Variants in AKR1B15 observed in about 807,000 individuals in gnomAD.
The protein encoded by AKR1B15 is aldo-keto reductase family 1 member B15.
A neutral mutation model predicts 38.5 loss-of-function variants in AKR1B15; 49 were observed. That is an observed-to-expected ratio of 1.27 (90% CI 1.01 to 1.62). The LOEUF (loss-of-function observed/expected upper bound fraction) is 1.62. Among genes scored for constraint, AKR1B15 ranks in the 40% most tolerant of loss-of-function variants. The pLI is 0.00. For missense variants in AKR1B15, 411 were observed against 381.6 expected, an observed-to-expected ratio of 1.08 and a Z score of -0.64; for synonymous variants, 137 against 135.5, an observed-to-expected ratio of 1.01 and a Z score of -0.08.
intron 10 of AKR1B15, among the ~76,000 whole-genome samples, 166 bp from the exon 11 acceptor site, chr7:134,577,538 G>A (rs1794791745): frequency 6.6e-6 from 1 of 152,156 alleles, no homozygotes; most frequent in Admixed American, 6.5e-5. Flanking sequence ...CTTTGTGTAG[G>A]ACCTAATTTA....
chr7:134,559,395 A>G (rs1263797448), intron 2 of AKR1B15, among the ~76,000 whole-genome samples: 1 of 152,150 alleles, frequency 6.6e-6, no homozygotes, highest in African/African-American at 2.4e-5. Flanking sequence ...ATAAATTATG[A>G]CGACCAAAAC....
intron 3 of AKR1B15, chr7:134,565,143 G>A: frequency 3.0e-6 from 1 of 338,938 alleles, no homozygotes; most frequent in Non-Finnish European, 5.5e-6. Context: ...TCCACACCGT[G>A]GAAACTTTGT....
At chr7:134,556,604 C>A (rs1488643791) in intron 1 of AKR1B15, 132 bp from the exon 2 acceptor site, 1 of 152,214 alleles carries the variant, frequency 6.6e-6, no homozygotes, top group Admixed American at 6.5e-5. Context: ...GCATTTCAGG[C>A]CTCACTCGCT....
chr7:134,569,343 C>T lies in AKR1B15; in HGVS notation c.319-70C>T, dbSNP rs550828388. Reference sequence around the variant, plus strand: ...TTAGATGAGGATGCAAATCAAAAAGCAGGGACAATGAGTATAATGTGGCCC... The same window carrying T: ...TTAGATGAGGATGCAAATCAAAAAGTAGGGACAATGAGTATAATGTGGCCC... On this transcript the variant is annotated intron_variant, in intron 4 of 11. Coordinates refer to ENST00000457545, the MANE Select transcript of AKR1B15 (RefSeq NM_001080538.3). The T allele has an allele frequency of 2.4e-4, 368 of 1,561,496 alleles. 3 individuals carry two copies. The South Asian group carries it at 4.0e-3, about 17-fold the overall frequency.
intron 2 of AKR1B15, among the ~76,000 whole-genome samples, chr7:134,557,204 T>C (rs1201309670): frequency 6.6e-6 from 1 of 152,172 alleles, no homozygotes; most frequent in Non-Finnish European, 1.5e-5. Flanking sequence ...GACCCCCTTC[T>C]CCTCCTCTTG....
At position 134,569,436 on chromosome 7, in the gene AKR1B15, A is replaced by G; in HGVS notation, c.342A>G (p.Arg114=). ...AGGTGTGGCCCACTTTCTTTGAGAG[A>G]CCCCTTGTGAGGAAAGCCTTTGAGA... is the stretch of plus-strand genomic sequence containing the variant. ...VSKVWPTFFE[R]PLVRKAFEKT... is the part of the protein sequence containing the mutation. The change falls in exon 5 of 12, where the codon AGA becomes AGG. Residue 114 remains arginine (R), a synonymous_variant. Coordinates refer to ENST00000457545, the MANE Select transcript of AKR1B15 (RefSeq NM_001080538.3). The G allele has an allele frequency of 3.7e-6, 6 of 1,613,976 alleles. No individual in the cohort carries two copies. The highest frequency in any genetic ancestry group is 5.1e-6 in the Non-Finnish European group (6 of 1,179,952).
intron 2 of AKR1B15, among the ~76,000 whole-genome samples, chr7:134,562,850 C>CTTTCTT (rs1794441870): frequency 9.4e-6 from 1 of 106,214 alleles, no homozygotes; most frequent in Admixed American, 8.5e-5. Flanking sequence ...TTCTTTCTTT[C>CTTTCTT]TTTCTTTCTT....
chr7:134,555,904 G>A (rs923226898), intron 1 of AKR1B15, among the ~76,000 whole-genome samples: 4 of 152,114 alleles, frequency 2.6e-5, no homozygotes, highest in African/African-American at 9.7e-5. Flanking sequence ...CTGCATGTGT[G>A]TAACCTTGGC....
intron 11 of AKR1B15, 30 bp downstream of exon 11, chr7:134,577,816 T>G: frequency 6.2e-7 from 1 of 1,610,112 alleles, no homozygotes; most frequent in Non-Finnish European, 8.5e-7. Context: ...CTAGAAGAAT[T>G]GCCAGGAGTT....
chr7:134,575,986 T>C, intron 8 of AKR1B15, 59 bp downstream of exon 8: 1 of 1,576,014 alleles, frequency 6.3e-7, no homozygotes, highest in Non-Finnish European at 8.6e-7. Flanking sequence ...TATTTTATAA[T>C]TGGTAAATGT....
intron 2 of AKR1B15, 122 bp from the exon 3 acceptor site, chr7:134,564,476 A>G: frequency 2.0e-6 from 1 of 488,728 alleles, no homozygotes; most frequent in Non-Finnish European, 3.6e-6. Flanking sequence ...TAATTCTTAC[A>G]CCAACCTCTG....
chr7:134,549,506 C>A (rs1373646668), intron 1 of AKR1B15, among the ~76,000 whole-genome samples: 1 of 152,090 alleles, frequency 6.6e-6, no homozygotes, highest in East Asian at 1.9e-4. Context: ...ATGTGGAGTT[C>A]AAGGGCTTGC....
intron 3 of AKR1B15, chr7:134,565,482 T>C (rs371175083): frequency 1.4e-5 from 23 of 1,613,452 alleles, no homozygotes; most frequent in East Asian, 2.2e-5. Context: ...GCACCAACCA[T>C]GGCCACGTTT....
chr7:134,562,832 C>CTCTTTCTTTCTCTT lies in AKR1B15; in HGVS notation c.-22-1755_-22-1754insCTTTCTTTCTTTCT, dbSNP rs1794436824. On this transcript the variant is annotated intron_variant, in intron 2 of 11. Transcript: ENST00000457545. ...CCTTCCTTTCTTCCTTCCTTCCTTTCTCTTTCTTTCTTTCTTTCTTTCTTT... is the reference window on the plus strand; with the variant it reads ...CCTTCCTTTCTTCCTTCCTTCCTTTCTCTTTCTTTCTCTTTCTTTCTTTCTTTCTTTCTTTCTTT... 4.1e-5 allele frequency among the ~76,000 whole-genome samples: 5 copies of CTCTTTCTTTCTCTT among 122,694 alleles called. No homozygotes were observed. The South Asian group carries it at 1.2e-3, about 31-fold the overall frequency. 80.5% of individuals were successfully genotyped at this position (122,694 alleles called of 152,430 possible). A position where few individuals can be genotyped will look rare whatever the true frequency, so the allele number is the denominator to read the frequency against.
chr7:134,555,984 T>C (rs1459540901), intron 1 of AKR1B15, among the ~76,000 whole-genome samples: 2 of 152,204 alleles, frequency 1.3e-5, no homozygotes, highest in Non-Finnish European at 2.9e-5. Flanking sequence ...CTAAGCCGTG[T>C]ACTATAGGAA....
intron 11 of AKR1B15, 150 bp downstream of exon 11, chr7:134,577,936 G>T: frequency 1.2e-6 from 1 of 816,968 alleles, no homozygotes; most frequent in Non-Finnish European, 1.9e-6. Flanking sequence ...TGGGTACCTG[G>T]GAATCACTGT....
At chr7:134,571,195 G>A (rs573769163) in intron 5 of AKR1B15, among the ~76,000 whole-genome samples, 3 of 152,250 alleles carry the variant, frequency 2.0e-5, no homozygotes, top group South Asian at 2.1e-4. Context: ...CGAATTCCAC[G>A]CCTCTTCTAG....
chr7:134,577,878 A>G (rs1794799929), intron 11 of AKR1B15, 92 bp downstream of exon 11: 5 of 1,420,524 alleles, frequency 3.5e-6, no homozygotes, highest in African/African-American at 2.9e-5. Flanking sequence ...TGTTGGGACT[A>G]CTTGTGTCTT....
chr7:134,555,684 T>C (rs531314738), intron 1 of AKR1B15, among the ~76,000 whole-genome samples: 2 of 152,208 alleles, frequency 1.3e-5, no homozygotes, highest in South Asian at 2.1e-4. Flanking sequence ...TCCCCGACCC[T>C]GCCCATACCC....
Sources: gnomAD v4.1 joint callset for allele counts (sites outside exome capture counted in the v4.1 genomes callset) on GRCh38, gnomAD v4.1.1 for gene constraint, MANE v1.5 for transcripts, NCBI Gene and HGNC (gene_info 2026-07-23, HGNC 2026-07-21) for gene names.